UNC79: variants seen among roughly 807,000 people sequenced by gnomAD.
The protein encoded by UNC79 is protein unc-79 homolog.
UNC79 carries 37 observed loss-of-function variants against 283.1 expected under a neutral mutation model. That is an observed-to-expected ratio of 0.13 (90% CI 0.10 to 0.17). The LOEUF (loss-of-function observed/expected upper bound fraction) is 0.17. UNC79 is among the 10% of genes least tolerant of loss of function. The pLI, the probability that UNC79 is intolerant of heterozygous loss-of-function variation, is 1.00. For synonymous variants in UNC79, 1,107 were observed against 1,200.2 expected (o/e 0.92, Z 1.61); for missense variants, 2,272 against 3,211.1 (o/e 0.71, Z 7.07).
At chr14:93,508,218 C>T (rs77004916) in intron 7 of UNC79, among the ~76,000 whole-genome samples, 1 of 146,724 alleles carries the variant, frequency 6.8e-6, no homozygotes, top group Admixed American at 6.8e-5. Context: ...AAAAAAAAAA[C>T]CCACTAAACC....
chr14:93,339,545 C>T (rs1009667775), intron 1 of UNC79, among the ~76,000 whole-genome samples: 9 of 152,130 alleles, frequency 5.9e-5, no homozygotes, highest in Non-Finnish European at 7.4e-5. Flanking sequence ...GTGATCGACC[C>T]GCCTCATCCT....
Position 93,477,744 on chromosome 14 carries a change from C to T in UNC79, c.619+16C>T. On this transcript the variant is annotated intron_variant, in intron 4 of 48. Coordinates refer to ENST00000555664, the Ensembl canonical transcript of UNC79. Reference sequence around the variant, plus strand: ...ATGGCTATATGTAAGTCCAATCTTACCTAATACTAGATTATTTTTATGTAT... The same window carrying T: ...ATGGCTATATGTAAGTCCAATCTTATCTAATACTAGATTATTTTTATGTAT... 1 of 1,598,056 alleles carries T rather than the reference C, an allele frequency of 6.3e-7. No individual in the cohort carries two copies. The highest frequency in any genetic ancestry group is 1.1e-5 in the South Asian group (1 of 87,736).
intron 7 of UNC79, among the ~76,000 whole-genome samples, chr14:93,499,219 CTGTA>C (rs1260430901): frequency 6.6e-6 from 1 of 152,092 alleles, no homozygotes; most frequent in Non-Finnish European, 1.5e-5. Context: ...ATCATAGGTG[CTGTA>C]TATCACAGAT....
intron 4 of UNC79, among the ~76,000 whole-genome samples, chr14:93,479,907 C>A: frequency 6.6e-6 from 1 of 152,244 alleles, no homozygotes; most frequent in Non-Finnish European, 1.5e-5. Context: ...TGCTGGGAGG[C>A]GATGGTGGGA....
intron 16 of UNC79, 119 bp from the exon 17 acceptor site, chr14:93,574,939 G>A (rs2141651636): frequency 1.8e-6 from 2 of 1,087,608 alleles, no homozygotes; most frequent in Non-Finnish European, 2.6e-6. Context: ...TAGAATACGT[G>A]TAAGGCTAAT....
intron 26 of UNC79, 25 bp downstream of exon 27, chr14:93,604,986 C>T: frequency 6.4e-7 from 1 of 1,561,306 alleles, no homozygotes; most frequent in Non-Finnish European, 8.6e-7. Flanking sequence ...CATTGAAGGG[C>T]CATGTACAAG....
At chr14:93,577,201 AC>A (rs1566688073) in intron 17 of UNC79, among the ~76,000 whole-genome samples, 2 of 151,128 alleles carry the variant, frequency 1.3e-5, no homozygotes, top group Middle Eastern at 3.4e-3. Flanking sequence ...CTGTCCCAAA[AC>A]AAAACAACAA....
chr14:93,380,193 C>T (rs1382925048), intron 1 of UNC79, among the ~76,000 whole-genome samples: 1 of 152,106 alleles, frequency 6.6e-6, no homozygotes, highest in Non-Finnish European at 1.5e-5. Flanking sequence ...TTTTCTATCT[C>T]CAGGTTCAGG....
chr14:93,678,624 C>T lies in UNC79; in HGVS notation c.6742-3993C>T, dbSNP rs374509933. ...AAACATGTCAAGACAGTAACTGGTACCAATCTGTTTTTTAATTCCTAGAAG... is the reference window on the plus strand; with the variant it reads ...AAACATGTCAAGACAGTAACTGGTATCAATCTGTTTTTTAATTCCTAGAAG... On this transcript the variant is annotated intron_variant, in intron 41 of 48. Transcript: ENST00000555664. Among the ~76,000 whole-genome samples, 8 of 152,288 alleles carry T rather than the reference C, an allele frequency of 5.3e-5. No homozygotes were observed. The East Asian group carries it at 1.4e-3, about 26-fold the overall frequency.
chr14:93,597,092 A>G lies in UNC79; in HGVS notation c.3191-267A>G, dbSNP rs374239260. Among the ~76,000 whole-genome samples the G allele has an allele frequency of 3.3e-5, 5 of 152,352 alleles. No homozygotes were observed. In the South Asian group the frequency reaches 1.0e-3, roughly 32 times the overall value. On this transcript the variant is annotated intron_variant, in intron 23 of 48. Coordinates refer to ENST00000555664, the Ensembl canonical transcript of UNC79. ...AAGAGAAAGACCATGAAAAAATTGTAAAAGACAACCCAGAGTTAGATCAAG... is the reference window on the plus strand; with the variant it reads ...AAGAGAAAGACCATGAAAAAATTGTGAAAGACAACCCAGAGTTAGATCAAG...
At chr14:93,403,520 T>C (rs7146113) in intron 1 of UNC79, among the ~76,000 whole-genome samples, 2,974 of 152,294 alleles carry the variant, frequency 0.02, 52 homozygotes, top group South Asian at 0.076. Flanking sequence ...TCCTGAGATT[T>C]ATTTTCTTTT....
In UNC79 at chr14:93,690,690, T is replaced by C. The variant is rs568848584; in HGVS notation, c.7272+387T>C. Reference sequence around the variant, plus strand: ...TCTCTATCTAATTCTTCATGTACCATCTTTTCAACTGAAATCTCTAGAGAT... The same window carrying C: ...TCTCTATCTAATTCTTCATGTACCACCTTTTCAACTGAAATCTCTAGAGAT... On this transcript the variant is annotated intron_variant, in intron 45 of 48. Transcript: ENST00000555664. The surrounding 1 kb of genome is among the most constrained non-coding windows in gnomAD (Gnocchi z 4.3). 6.1e-5 allele frequency: 11 copies of C among 180,332 alleles called. No homozygotes were observed. The East Asian group carries it at 1.8e-3, about 29-fold the overall frequency. The allele number at this position is 180,332 out of a possible 1,614,324, so 11.2% of individuals were successfully genotyped here. A position where few individuals can be genotyped will look rare whatever the true frequency, so the allele number is the denominator to read the frequency against.
intron 7 of UNC79, among the ~76,000 whole-genome samples, chr14:93,515,908 C>G (rs1219817147): frequency 1.3e-5 from 2 of 148,996 alleles, no homozygotes; most frequent in African/African-American, 4.9e-5. Context: ...CTTTTGTGGT[C>G]CTTTTTTTGG....
chr14:93,563,736 G>A (rs1018106825), intron 14 of UNC79, among the ~76,000 whole-genome samples: 7 of 152,152 alleles, frequency 4.6e-5, no homozygotes, highest in Non-Finnish European at 8.8e-5. Flanking sequence ...GTGAATGTCA[G>A]GTAGATCAGA....
chr14:93,644,426 CTG>C (rs538140361), intron 34 of UNC79, among the ~76,000 whole-genome samples: 77 of 152,314 alleles, frequency 5.1e-4, no homozygotes, highest in African/African-American at 1.6e-3. Context: ...CATTTCCAAT[CTG>C]TGTGAACAGT....
At chr14:93,453,139 G>A (rs2056696643) in intron 1 of UNC79, among the ~76,000 whole-genome samples, 1 of 152,206 alleles carries the variant, frequency 6.6e-6, no homozygotes, top group African/African-American at 2.4e-5. Flanking sequence ...CACATAGCCA[G>A]ACATTTAAGG....
At chr14:93,665,191 TAAATA>T (rs1230660033) in intron 40 of UNC79, among the ~76,000 whole-genome samples, 5 of 143,240 alleles carry the variant, frequency 3.5e-5, no homozygotes, top group East Asian at 2.0e-4. Context: ...ATATGAAAAA[TAAATA>T]AAATAATATA....
chr14:93,656,246 C>T (rs114869652), intron 38 of UNC79, among the ~76,000 whole-genome samples: 1 of 152,214 alleles, frequency 6.6e-6, no homozygotes, highest in African/African-American at 2.4e-5. Context: ...GGCTTTGAAC[C>T]TGACCTGTTC....
chr14:93,517,919 C>CTGTGTG (rs3060642), intron 7 of UNC79, among the ~76,000 whole-genome samples: 118 of 147,736 alleles, frequency 8.0e-4, no homozygotes, highest in African/African-American at 2.4e-3. Context: ...GTGTGTGTGT[C>CTGTGTG]TGTGTGTGTG....
Sources: gnomAD v4.1 joint callset for allele counts (sites outside exome capture counted in the v4.1 genomes callset) on GRCh38, gnomAD v4.1.1 for gene constraint, Gnocchi (gnomAD v3.1) non-coding constraint, MANE v1.5 for transcripts, NCBI Gene and HGNC (gene_info 2026-07-23, HGNC 2026-07-21) for gene names.